ZBTB7C: variants seen among roughly 807,000 people sequenced by gnomAD.
ZBTB7C encodes the protein zinc finger and BTB domain-containing protein 7C.
ZBTB7C carries 8 observed loss-of-function variants against 25.7 expected under a neutral mutation model. The observed-to-expected ratio is 0.31, with a 90% CI of 0.18 to 0.56. The LOEUF is 0.56. ZBTB7C is among the 20% of genes least tolerant of loss of function. The pLI is 0.91. For missense variants in ZBTB7C, 824 were observed against 855.2 expected, an observed-to-expected ratio of 0.96 and a Z score of 0.46; for synonymous variants, 394 against 369.0, an observed-to-expected ratio of 1.07 and a Z score of -0.78.
chr18:48,151,082 C>T (rs1428317952), intron 3 of ZBTB7C, among the ~76,000 whole-genome samples: 1 of 152,146 alleles, frequency 6.6e-6, no homozygotes, highest in Admixed American at 6.5e-5. Context: ...GGTAACTGAT[C>T]GGTGTGGCCT....
rs146695053 is a variant in ZBTB7C, at chr18:48,293,475, C to T, written c.-79+44699G>A. Among the ~76,000 whole-genome samples the T allele has an allele frequency of 6.2e-4, 95 of 152,326 alleles. No individual in the cohort carries two copies. In the Middle Eastern group the frequency reaches 0.01, roughly 16 times the overall value. ...TCAGGCCACGGCACCCATAAATCATCGTCTGGCACTTAGTATTGTTTGCAG... is the reference window on the plus strand; with the variant it reads ...TCAGGCCACGGCACCCATAAATCATTGTCTGGCACTTAGTATTGTTTGCAG... On this transcript the variant is annotated intron_variant, in intron 2 of 4. Coordinates refer to ENST00000590800, the MANE Select transcript of ZBTB7C (RefSeq NM_001318841.2).
intron 4 of ZBTB7C, among the ~76,000 whole-genome samples, chr18:48,036,778 G>T (rs2035990503): frequency 6.6e-6 from 1 of 152,148 alleles, no homozygotes; most frequent in Non-Finnish European, 1.5e-5. Flanking sequence ...AGAGCTTCCA[G>T]GTGGAAGGGG....
intron 2 of ZBTB7C, among the ~76,000 whole-genome samples, chr18:48,232,655 C>T (rs1323999943): frequency 6.6e-6 from 1 of 152,086 alleles, no homozygotes; most frequent in Non-Finnish European, 1.5e-5. Flanking sequence ...CTTAGTTTTG[C>T]AGTAATTGAA....
intron 3 of ZBTB7C, among the ~76,000 whole-genome samples, chr18:48,133,002 C>T (rs546904809): frequency 2.6e-5 from 4 of 152,240 alleles, no homozygotes; most frequent in Non-Finnish European, 4.4e-5. Context: ...GATCATGTGC[C>T]GTATTATTAG....
intron 1 of ZBTB7C, among the ~76,000 whole-genome samples, chr18:48,343,495 C>T (rs2046653139): frequency 6.6e-6 from 1 of 152,174 alleles, no homozygotes; most frequent in Non-Finnish European, 1.5e-5. Context: ...CCTTCTATTC[C>T]TTTCTTCCTC....
intron 3 of ZBTB7C, among the ~76,000 whole-genome samples, chr18:48,042,469 G>A (rs1053056470): frequency 2.0e-5 from 3 of 152,294 alleles, no homozygotes; most frequent in South Asian, 2.1e-4. Flanking sequence ...AAAGCCCCAC[G>A]CCCCAGTGGG....
At chr18:48,030,678 C>T (rs1340169188) in intron 4 of ZBTB7C, among the ~76,000 whole-genome samples, 1 of 152,222 alleles carries the variant, frequency 6.6e-6, no homozygotes, top group Non-Finnish European at 1.5e-5. Context: ...TCTGCGCCAG[C>T]TGCAGACCCA....
intron 3 of ZBTB7C, among the ~76,000 whole-genome samples, chr18:48,076,103 C>A (rs2037752941): frequency 1.3e-5 from 2 of 152,182 alleles, no homozygotes; most frequent in Admixed American, 1.3e-4. Context: ...CAAGGTGCTG[C>A]AAGAATGAAA....
chr18:48,380,621 T>C (rs765443889), intron 1 of ZBTB7C, among the ~76,000 whole-genome samples: 1 of 152,132 alleles, frequency 6.6e-6, no homozygotes, highest in Non-Finnish European at 1.5e-5. Flanking sequence ...CACCTAATTA[T>C]TAGAAGCCTT....
intron 3 of ZBTB7C, among the ~76,000 whole-genome samples, chr18:48,160,953 T>C (rs76464099): frequency 4.1e-5 from 6 of 145,318 alleles, no homozygotes; most frequent in African/African-American, 7.9e-5. Flanking sequence ...TTTTTTTTTT[T>C]CCAGTGCCGG....
intron 3 of ZBTB7C, among the ~76,000 whole-genome samples, chr18:48,061,637 C>T (rs534908640): frequency 5.3e-5 from 8 of 152,312 alleles, no homozygotes; most frequent in Admixed American, 2.0e-4. Flanking sequence ...AAAATCATTA[C>T]GGAATCACCC....
At chr18:48,094,395 T>C (rs556911860) in intron 3 of ZBTB7C, among the ~76,000 whole-genome samples, 1 of 152,354 alleles carries the variant, frequency 6.6e-6, no homozygotes, top group Non-Finnish European at 1.5e-5. Context: ...CCCCCAGCTA[T>C]GTGTCTTAGG....
At chr18:48,360,697 C>T (rs2047083949) in intron 1 of ZBTB7C, among the ~76,000 whole-genome samples, 1 of 152,044 alleles carries the variant, frequency 6.6e-6, no homozygotes, top group Non-Finnish European at 1.5e-5. Context: ...AGTGGAATCC[C>T]TAGACCAAGT....
intron 2 of ZBTB7C, among the ~76,000 whole-genome samples, chr18:48,200,158 G>A (rs2042407461): frequency 6.6e-6 from 1 of 152,034 alleles, no homozygotes; most frequent in Non-Finnish European, 1.5e-5. Flanking sequence ...CACGACACTG[G>A]GATTTCCCAA....
intron 2 of ZBTB7C, among the ~76,000 whole-genome samples, chr18:48,281,513 G>C (rs955297448): frequency 6.6e-6 from 1 of 152,164 alleles, no homozygotes; most frequent in Non-Finnish European, 1.5e-5. Flanking sequence ...TACTATCAGA[G>C]TGAACAGGCA....
chr18:48,244,944 G>A (rs1488446220), intron 2 of ZBTB7C, among the ~76,000 whole-genome samples: 1 of 151,808 alleles, frequency 6.6e-6, no homozygotes, highest in Non-Finnish European at 1.5e-5. Context: ...CCGCTACTGA[G>A]TATCTACTCA....
intron 2 of ZBTB7C, among the ~76,000 whole-genome samples, chr18:48,216,523 C>CT (rs1426768166): frequency 6.6e-6 from 1 of 152,126 alleles, no homozygotes; most frequent in Non-Finnish European, 1.5e-5. Context: ...TGCTCACTCC[C>CT]TGGGGGGCGA....
At chr18:48,145,511 TAA>T (rs1365855266) in intron 3 of ZBTB7C, among the ~76,000 whole-genome samples, 1 of 152,204 alleles carries the variant, frequency 6.6e-6, no homozygotes, top group African/African-American at 2.4e-5. Context: ...AAGAAAATCT[TAA>T]AAGTCTCCTC....
At chr18:48,082,740 G>A (rs2038039804) in intron 3 of ZBTB7C, among the ~76,000 whole-genome samples, 1 of 152,140 alleles carries the variant, frequency 6.6e-6, no homozygotes, top group South Asian at 2.1e-4. Flanking sequence ...ACCTTGCTGG[G>A]TGGGTATGGG....
Sources: gnomAD v4.1 joint callset for allele counts (sites outside exome capture counted in the v4.1 genomes callset) on GRCh38, gnomAD v4.1.1 for gene constraint, MANE v1.5 for transcripts, NCBI Gene and HGNC (gene_info 2026-07-23, HGNC 2026-07-21) for gene names.